Variants in ALDH9A1 observed in about 807,000 individuals in gnomAD.
The protein encoded by ALDH9A1 is aldehyde dehydrogenase 9 family member A1.
Under a neutral mutation model 56.6 loss-of-function variants are expected in ALDH9A1, and 42 were observed. That is an observed-to-expected ratio of 0.74 (90% CI 0.58 to 0.96). ALDH9A1 has a LOEUF of 0.96. Among genes scored for constraint, ALDH9A1 ranks in the 40% least tolerant of loss-of-function variants. The pLI, the probability that ALDH9A1 is intolerant of heterozygous loss-of-function variation, is 0.00. For missense variants in ALDH9A1, 661 were observed against 651.5 expected (o/e 1.01, Z -0.16); for synonymous variants, 242 against 236.0 (o/e 1.03, Z -0.23).
At chr1:165,695,834 C>T (rs1486392645) in intron 1 of ALDH9A1, among the ~76,000 whole-genome samples, 1 of 151,432 alleles carries the variant, frequency 6.6e-6, no homozygotes, top group Non-Finnish European at 1.5e-5. Context: ...CATCTCTATA[C>T]TAGCAGGTTT....
chr1:165,695,556 C>T (rs1207974393), intron 1 of ALDH9A1, among the ~76,000 whole-genome samples, 159 bp from the exon 2 acceptor site: 3 of 128,860 alleles, frequency 2.3e-5, no homozygotes, highest in Admixed American at 9.5e-5. Context: ...AGTGCAGTGG[C>T]GCGATCTCGG....
rs4646901 is a variant in ALDH9A1, at chr1:165,665,138, GA to G, written c.1350-9del. 5.6e-4 allele frequency: 817 copies of G among 1,464,620 alleles called. No individual in the cohort carries two copies. The highest frequency in any genetic ancestry group is 7.4e-4 in the Admixed American group (37 of 50,030). 90.7% of individuals were successfully genotyped at this position (1,464,620 alleles called of 1,614,324 possible). ...TGAGCCCGTTGGATGTCCCTATGAA[GA>G]AAAAAAAAATGTGTGCATTATTGAG... On this transcript the variant is annotated splice_polypyrimidine_tract_variant and intron_variant, in intron 9 of 10. Coordinates refer to ENST00000354775, the MANE Select transcript of ALDH9A1 (RefSeq NM_000696.4).
chr1:165,680,672 C>A lies in ALDH9A1; in HGVS notation c.604G>T (p.Val202Phe). The change falls in exon 5 of 11, where the codon GTC becomes TTC. Residue 202 changes from valine to phenylalanine, a missense_variant. Coordinates refer to ENST00000354775, the MANE Select transcript of ALDH9A1 (RefSeq NM_000696.4). ...APALACGNAM[V>F]FKPSPFTPVS... Reference sequence around the variant, plus strand: ...GGTGTAAAGGGAGAAGGTTTAAAGACCATGGCATTACCTGCATAAACCCAA... The same window carrying A: ...GGTGTAAAGGGAGAAGGTTTAAAGAACATGGCATTACCTGCATAAACCCAA... 6.2e-7 allele frequency: 1 copy of A among 1,609,010 alleles called. No individual in the cohort carries two copies. The highest frequency in any genetic ancestry group is 8.5e-7 in the Non-Finnish European group (1 of 1,178,222).
In ALDH9A1 at chr1:165,683,046, CG is replaced by C. The variant is rs1230648257; in HGVS notation, c.391del (p.Arg131AlafsTer47). The C allele has an allele frequency of 1.2e-6, 2 of 1,613,884 alleles. No homozygotes were observed. Among genetic ancestry groups the C allele is most frequent in the Non-Finnish European group, 1.7e-6 (2 of 1,179,956 alleles). On this transcript the variant is annotated frameshift_variant, in exon 3 of 11. Transcript: ENST00000354775. LOFTEE classifies it high-confidence loss of function. Reference sequence around the variant, plus strand: ...CTGCCAGGAAATGTCAATGTCCAAGCGGGCCTCAAAGATGGACTTGCCATTG... The same window carrying C: ...CTGCCAGGAAATGTCAATGTCCAAGCGGCCTCAAAGATGGACTTGCCATTG... ...INNGKSIFEA[R>X]LDIDISWQCL...
intron 4 of ALDH9A1, among the ~76,000 whole-genome samples, chr1:165,680,923 G>A (rs1019005069): frequency 6.6e-6 from 1 of 152,194 alleles, no homozygotes; most frequent in Non-Finnish European, 1.5e-5. Context: ...GGCTAGGGAG[G>A]CCTCAGAATC....
intron 2 of ALDH9A1, among the ~76,000 whole-genome samples, chr1:165,689,728 GT>G (rs1005131432): frequency 5.3e-5 from 8 of 152,056 alleles, no homozygotes; most frequent in African/African-American, 1.9e-4. Context: ...AAGGTCAGGA[GT>G]TTGAGACGAG....
chr1:165,664,633 G>T (rs12070650), intron 10 of ALDH9A1, among the ~76,000 whole-genome samples: 3,076 of 152,254 alleles, frequency 0.02, 105 homozygotes, highest in African/African-American at 0.07. Flanking sequence ...TACCTAAATG[G>T]AATCTAAAAA....
At chr1:165,667,280 A>G in intron 9 of ALDH9A1, 29 bp downstream of exon 9, 2 of 1,613,420 alleles carry the variant, frequency 1.2e-6, no homozygotes, top group Non-Finnish European at 1.7e-6. Context: ...GCTCCTTCAA[A>G]ACTGCTCTCA....
chr1:165,695,707 A>G (rs1454721079), intron 1 of ALDH9A1, among the ~76,000 whole-genome samples: 1 of 151,942 alleles, frequency 6.6e-6, no homozygotes, highest in Non-Finnish European at 1.5e-5. Flanking sequence ...CATGTTGACC[A>G]GGATGGTCTT....
chr1:165,676,974 T>G (rs906388876), intron 6 of ALDH9A1, among the ~76,000 whole-genome samples: 4 of 152,186 alleles, frequency 2.6e-5, no homozygotes, highest in African/African-American at 9.7e-5. Flanking sequence ...TGGCTTATCG[T>G]GCAACAAATT....
chr1:165,680,417 A>G, intron 5 of ALDH9A1, 70 bp downstream of exon 5: 1 of 1,515,300 alleles, frequency 6.6e-7, no homozygotes, highest in Non-Finnish European at 9.0e-7. Flanking sequence ...TCCAAAATAT[A>G]CTCTGGGTAG....
chr1:165,665,364 G>A (rs1648976321), intron 9 of ALDH9A1, among the ~76,000 whole-genome samples: 1 of 152,138 alleles, frequency 6.6e-6, no homozygotes, highest in Non-Finnish European at 1.5e-5. Flanking sequence ...AAAATTCAAT[G>A]GAGGAAAAAC....
At chr1:165,694,830 C>T (rs1453760136) in intron 2 of ALDH9A1, among the ~76,000 whole-genome samples, 1 of 152,018 alleles carries the variant, frequency 6.6e-6, no homozygotes, top group African/African-American at 2.4e-5. Context: ...GTGGCACACA[C>T]CTGTAGTCCC....
intron 2 of ALDH9A1, among the ~76,000 whole-genome samples, chr1:165,685,332 C>T (rs1336745076): frequency 6.6e-6 from 1 of 152,210 alleles, no homozygotes; most frequent in Non-Finnish European, 1.5e-5. Flanking sequence ...TGAAGCCCAA[C>T]AGACTAGCTC....
rs1457192698 is a variant in ALDH9A1, at chr1:165,687,440, G to GT, written c.328-4331dup. On this transcript the variant is annotated intron_variant, in intron 2 of 10. Coordinates refer to ENST00000354775, the MANE Select transcript of ALDH9A1 (RefSeq NM_000696.4). ...ATCATAATCAAATTGCTTAAAACCA[G>GT]TGATAAGGAGAAAAATATTAAAACA... Among the ~76,000 whole-genome samples the GT allele has an allele frequency of 2.6e-5, 4 of 151,862 alleles. No individual in the cohort carries two copies. The East Asian group carries it at 7.8e-4, about 29-fold the overall frequency.
Position 165,671,358 on chromosome 1 carries a change from T to C in ALDH9A1, c.931-1908A>G, listed in dbSNP as rs566202531. On this transcript the variant is annotated intron_variant, in intron 6 of 10. Transcript: ENST00000354775. ...GGGGTTGCTGAAGTAGGGGCTGAAGTTGACATCTGACGACATGAAGGAGCA... is the reference window on the plus strand; with the variant it reads ...GGGGTTGCTGAAGTAGGGGCTGAAGCTGACATCTGACGACATGAAGGAGCA... 97 of 433,508 alleles carry C rather than the reference T, an allele frequency of 2.2e-4. 1 individual carries two copies. Among genetic ancestry groups the C allele is most frequent in the South Asian group, 1.6e-3 (93 of 59,512 alleles). 26.9% of individuals were successfully genotyped at this position (433,508 alleles called of 1,614,324 possible). A position where few individuals can be genotyped will look rare whatever the true frequency, so the allele number is the denominator to read the frequency against.
chr1:165,687,357 C>A (rs1649744383), intron 2 of ALDH9A1, among the ~76,000 whole-genome samples: 1 of 150,432 alleles, frequency 6.6e-6, no homozygotes, highest in Non-Finnish European at 1.5e-5. Context: ...ATTTACAGAT[C>A]CAAGAAGATC....
chr1:165,683,193 C>G, intron 2 of ALDH9A1, 83 bp from the exon 3 acceptor site: 1 of 1,404,218 alleles, frequency 7.1e-7, no homozygotes. Context: ...ACACACTGCT[C>G]AATTTTTAAA....
intron 6 of ALDH9A1, chr1:165,676,668 A>G (rs141835209): frequency 5.0e-6 from 2 of 400,328 alleles, no homozygotes; most frequent in African/African-American, 2.1e-5. Context: ...CCAAAGAGAA[A>G]GGTACCTGGT....
Sources: gnomAD v4.1 joint callset for allele counts (sites outside exome capture counted in the v4.1 genomes callset) on GRCh38, gnomAD v4.1.1 for gene constraint, MANE v1.5 for transcripts, NCBI Gene and HGNC (gene_info 2026-07-23, HGNC 2026-07-21) for gene names.